Variants in IGF2BP2 observed in about 807,000 individuals in gnomAD.
The protein encoded by IGF2BP2 is insulin like growth factor 2 mRNA binding protein 2, also known as insulin-like growth factor 2 mRNA-binding protein 2.
In IGF2BP2, 17 loss-of-function variants were observed where a neutral mutation model predicts 75.8. The ratio of observed to expected loss-of-function variants is 0.22; its 90% CI spans 0.15 to 0.34. The LOEUF is 0.34. Ranked by LOEUF, IGF2BP2 falls within the 10% of genes least tolerant of loss-of-function variation. The pLI, the probability that IGF2BP2 is intolerant of heterozygous loss-of-function variation, is 1.00. For synonymous variants in IGF2BP2, 288 were observed against 295.6 expected (o/e 0.97, Z 0.26); for missense variants, 516 against 772.4 (o/e 0.67, Z 3.93).
chr3:185,763,179 C>A (rs1732607347), intron 2 of IGF2BP2, among the ~76,000 whole-genome samples: 1 of 152,146 alleles, frequency 6.6e-6, no homozygotes, highest in Non-Finnish European at 1.5e-5. Flanking sequence ...GTGATTCCAA[C>A]ATAAACCTGG....
At chr3:185,646,744 TGCA>T in intron 15 of IGF2BP2, 1 of 437,220 alleles carries the variant, frequency 2.3e-6, no homozygotes, top group South Asian at 2.3e-5. Context: ...CCTTAAACAC[TGCA>T]GGGGGCTTGG....
chr3:185,676,065 C>A, intron 7 of IGF2BP2, 152 bp from the exon 8 acceptor site: 1 of 912,530 alleles, frequency 1.1e-6, no homozygotes, highest in Non-Finnish European at 1.6e-6. Context: ...CCCTCACCGA[C>A]CCCAGTTCAT....
chr3:185,663,859 T>A (rs1443329733), intron 10 of IGF2BP2, among the ~76,000 whole-genome samples: 1 of 152,222 alleles, frequency 6.6e-6, no homozygotes, highest in Non-Finnish European at 1.5e-5. Context: ...CACTTGGTCA[T>A]GATGAATGGT....
At chr3:185,782,148 A>G (rs906676894) in intron 2 of IGF2BP2, among the ~76,000 whole-genome samples, 6 of 152,160 alleles carry the variant, frequency 3.9e-5, no homozygotes, top group Non-Finnish European at 8.8e-5. Flanking sequence ...GTTCAGAAAG[A>G]AAAGAGTGAA....
chr3:185,685,574 A>G (rs924271914), intron 7 of IGF2BP2, among the ~76,000 whole-genome samples: 8 of 152,278 alleles, frequency 5.3e-5, no homozygotes, highest in East Asian at 1.9e-4. Context: ...GTTTGACATT[A>G]TTTGATTCAC....
intron 10 of IGF2BP2, among the ~76,000 whole-genome samples, chr3:185,660,436 G>A (rs1259217970): frequency 3.9e-5 from 6 of 152,162 alleles, no homozygotes; most frequent in South Asian, 2.1e-4. Context: ...AAATGAAACC[G>A]TTGCCCTTTT....
intron 2 of IGF2BP2, among the ~76,000 whole-genome samples, chr3:185,707,294 GCTTTT>G (rs1724173011): frequency 9.8e-6 from 1 of 101,674 alleles, no homozygotes. Flanking sequence ...TAACGAAGGG[GCTTTT>G]TTTTTTTTTT....
intron 2 of IGF2BP2, among the ~76,000 whole-genome samples, chr3:185,761,827 G>A (rs886408401): frequency 2.0e-5 from 3 of 152,216 alleles, no homozygotes; most frequent in Non-Finnish European, 2.9e-5. Context: ...ATGCAAGTGT[G>A]CTTCAGAACG....
chr3:185,746,447 G>C (rs143302229), intron 2 of IGF2BP2, among the ~76,000 whole-genome samples: 3 of 152,144 alleles, frequency 2.0e-5, no homozygotes, highest in African/African-American at 7.2e-5. Context: ...AAGCAGGGAC[G>C]GATCTACTTA....
chr3:185,816,798 G>T (rs2150043436), intron 2 of IGF2BP2, among the ~76,000 whole-genome samples: 1 of 152,090 alleles, frequency 6.6e-6, no homozygotes, highest in Non-Finnish European at 1.5e-5. Context: ...TAAGATGCAG[G>T]CAAAAAATAC....
At chr3:185,661,224 C>G (rs1233110870) in intron 10 of IGF2BP2, among the ~76,000 whole-genome samples, 1 of 152,206 alleles carries the variant, frequency 6.6e-6, no homozygotes, top group Non-Finnish European at 1.5e-5. Context: ...GTCTCTGAAT[C>G]ACTACCTCTA....
intron 7 of IGF2BP2, among the ~76,000 whole-genome samples, chr3:185,677,188 A>C (rs1316324626): frequency 4.6e-5 from 7 of 150,978 alleles, no homozygotes; most frequent in Admixed American, 4.0e-4. Context: ...TGAAGAGCAA[A>C]GGGGAGGAAA....
chr3:185,678,075 G>C (rs746652945), intron 7 of IGF2BP2, among the ~76,000 whole-genome samples: 49 of 152,132 alleles, frequency 3.2e-4, no homozygotes, highest in African/African-American at 1.0e-3. Flanking sequence ...CCAAATATGA[G>C]GAACAAAATG....
At chr3:185,716,671 T>C (rs368846658) in intron 2 of IGF2BP2, 41 of 519,910 alleles carry the variant, frequency 7.9e-5, no homozygotes, top group Non-Finnish European at 1.5e-4. Context: ...CCTGATCTGG[T>C]TAAGGAGAGT....
At chr3:185,718,589 G>A (rs1726011913) in intron 2 of IGF2BP2, among the ~76,000 whole-genome samples, 3 of 149,024 alleles carry the variant, frequency 2.0e-5, no homozygotes, top group African/African-American at 7.5e-5. Flanking sequence ...GGAGGCTGAG[G>A]CAGGAGAATC....
intron 2 of IGF2BP2, among the ~76,000 whole-genome samples, chr3:185,736,598 CAATGTGGCCGTG>C (rs1395297334): frequency 1.3e-5 from 2 of 152,206 alleles, no homozygotes; most frequent in Non-Finnish European, 2.9e-5. Context: ...CTTGCTTACC[CAATGTGGCCGTG>C]AATTAAACAA....
At chr3:185,804,193 T>G (rs1215918733) in intron 2 of IGF2BP2, among the ~76,000 whole-genome samples, 3 of 147,178 alleles carry the variant, frequency 2.0e-5, no homozygotes, top group Admixed American at 6.8e-5. Context: ...GAGGCAGAGG[T>G]TGCGGTGAGC....
intron 9 of IGF2BP2, among the ~76,000 whole-genome samples, chr3:185,674,403 T>C (rs934901354): frequency 1.3e-5 from 2 of 152,228 alleles, no homozygotes; most frequent in Non-Finnish European, 2.9e-5. Context: ...TTTACTCCTC[T>C]GAGCTGAGCT....
intron 2 of IGF2BP2, among the ~76,000 whole-genome samples, chr3:185,723,655 A>G (rs933151619): frequency 6.6e-6 from 1 of 152,220 alleles, no homozygotes; most frequent in Non-Finnish European, 1.5e-5. Context: ...ACAGGCGCTG[A>G]GAGCTCCAAA....
Sources: allele counts gnomAD v4.1 joint callset (sites outside exome capture counted in the v4.1 genomes callset), GRCh38; gene constraint gnomAD v4.1.1; transcripts MANE v1.5; gene names NCBI Gene and HGNC (gene_info 2026-07-23, HGNC 2026-07-21).